The following VKORC1L1 variants were observed in gnomAD, a reference collection of about 807,000 sequenced individuals.
VKORC1L1 encodes vitamin K epoxide reductase complex subunit 1L1.
Under a neutral mutation model 18.9 loss-of-function variants are expected in VKORC1L1, and 2 were observed. The ratio of observed to expected loss-of-function variants is 0.11; its 90% CI spans 0.04 to 0.33. The LOEUF is 0.33. Among genes scored for constraint, VKORC1L1 ranks in the 10% least tolerant of loss-of-function variants. VKORC1L1 has a pLI of 1.00. For missense variants in VKORC1L1, 123 were observed against 224.1 expected (o/e 0.55, Z 2.88); for synonymous variants, 96 against 100.0 (o/e 0.96, Z 0.24).
chr7:65,897,193 A>T (rs187341054), intron 1 of VKORC1L1, among the ~76,000 whole-genome samples: 6 of 152,366 alleles, frequency 3.9e-5, no homozygotes, highest in African/African-American at 1.2e-4. Flanking sequence ...GGGCACATTC[A>T]GAGACAGTTC....
chr7:65,904,928 A>T (rs1342038073), intron 1 of VKORC1L1, among the ~76,000 whole-genome samples: 1 of 152,034 alleles, frequency 6.6e-6, no homozygotes, highest in Admixed American at 6.6e-5. Flanking sequence ...CTTCCTGTGT[A>T]TGTATGTATA....
At chr7:65,873,756 C>G (rs1356406865) in intron 1 of VKORC1L1, among the ~76,000 whole-genome samples, 191 bp downstream of exon 1, 1 of 150,772 alleles carries the variant, frequency 6.6e-6, no homozygotes, top group Admixed American at 6.6e-5. Context: ...CGGCCTGAGC[C>G]CAGGCCGCGG....
chr7:65,871,532 G>A (rs537719481), upstream of VKORC1L1, among the ~76,000 whole-genome samples: 36 of 152,296 alleles, frequency 2.4e-4, no homozygotes, highest in African/African-American at 7.7e-4. Flanking sequence ...AATAGACTTC[G>A]TAAAAGTGAT....
chr7:65,882,736 CTG>C (rs1788948756), intron 1 of VKORC1L1, among the ~76,000 whole-genome samples: 1 of 152,158 alleles, frequency 6.6e-6, no homozygotes, highest in Non-Finnish European at 1.5e-5. Flanking sequence ...ACTATTAGAA[CTG>C]TTGCATTATG....
At chr7:65,900,042 CGT>C (rs58269522) in intron 1 of VKORC1L1, among the ~76,000 whole-genome samples, 7,695 of 140,634 alleles carry the variant, frequency 0.055, 247 homozygotes, top group African/African-American at 0.11. Context: ...TGTGCACGCA[CGT>C]GTGTGTGTGT....
rs1204730326 is a variant in VKORC1L1 at position 65,954,963 on chromosome 7, G to A, written c.*663G>A. 6.6e-6 allele frequency: 1 copy of A among 151,976 alleles called. No homozygotes were observed. The highest frequency in any genetic ancestry group is 1.5e-5 in the Non-Finnish European group (1 of 68,056). 9.4% of individuals were successfully genotyped at this position (151,976 alleles called of 1,614,324 possible). A position where few individuals can be genotyped will look rare whatever the true frequency, so the allele number is the denominator to read the frequency against. On this transcript the variant is annotated 3_prime_UTR_variant, in exon 3 of 3. Coordinates refer to ENST00000360768, the MANE Select transcript of VKORC1L1 (RefSeq NM_173517.6). Reference sequence around the variant, plus strand: ...GCAGCCGTGGTTGCAGCAAATAATAGGGCAAAAAAAATAATAATAGGGTGG... The same window carrying A: ...GCAGCCGTGGTTGCAGCAAATAATAAGGCAAAAAAAATAATAATAGGGTGG...
intron 1 of VKORC1L1, among the ~76,000 whole-genome samples, chr7:65,896,753 C>T (rs1188137807): frequency 6.6e-6 from 1 of 152,168 alleles, no homozygotes; most frequent in Non-Finnish European, 1.5e-5. Flanking sequence ...ATAATCCCAG[C>T]ACTTTGAGAG....
intron 1 of VKORC1L1, among the ~76,000 whole-genome samples, chr7:65,944,578 T>C (rs1373909700): frequency 6.6e-6 from 1 of 152,078 alleles, no homozygotes; most frequent in Non-Finnish European, 1.5e-5. Flanking sequence ...GTGCTCACTT[T>C]GTGTATATGC....
At chr7:65,880,909 C>T (rs1295112759) in intron 1 of VKORC1L1, among the ~76,000 whole-genome samples, 1 of 152,168 alleles carries the variant, frequency 6.6e-6, no homozygotes, top group Non-Finnish European at 1.5e-5. Flanking sequence ...AGTTATTGTA[C>T]AGGTTGAGGA....
intron 1 of VKORC1L1, among the ~76,000 whole-genome samples, chr7:65,906,714 C>T (rs1034583567): frequency 5.9e-5 from 9 of 152,110 alleles, no homozygotes; most frequent in Admixed American, 1.3e-4. Context: ...AAGCAGAGTC[C>T]GTGCAACAGA....
At chr7:65,951,392 G>A (rs1790210450) in intron 2 of VKORC1L1, among the ~76,000 whole-genome samples, 1 of 152,072 alleles carries the variant, frequency 6.6e-6, no homozygotes, top group African/African-American at 2.4e-5. Flanking sequence ...TGGCCAACAT[G>A]GTGAAACCCC....
chr7:65,913,137 G>A (rs67728539), intron 1 of VKORC1L1, among the ~76,000 whole-genome samples: 19,291 of 152,188 alleles, frequency 0.13, 1,383 homozygotes, highest in Middle Eastern at 0.21. Flanking sequence ...TCTGAAATGT[G>A]TATGTCAGAG....
At chr7:65,898,144 A>G (rs555556632) in intron 1 of VKORC1L1, among the ~76,000 whole-genome samples, 24 of 124,606 alleles carry the variant, frequency 1.9e-4, no homozygotes, top group African/African-American at 7.4e-4. Context: ...GCTGGAGTAT[A>G]GTGGCACGAT....
At chr7:65,922,171 A>G (rs538387326) in intron 1 of VKORC1L1, among the ~76,000 whole-genome samples, 1 of 134,454 alleles carries the variant, frequency 7.4e-6, no homozygotes, top group Admixed American at 7.7e-5. Context: ...TGACTCCACA[A>G]GACATTTTGT....
intron 1 of VKORC1L1, among the ~76,000 whole-genome samples, chr7:65,945,125 G>A (rs1790097591): frequency 6.6e-6 from 1 of 151,884 alleles, no homozygotes; most frequent in South Asian, 2.1e-4. Flanking sequence ...GCTGGGCGTG[G>A]TGGCGGGTGC....
upstream of VKORC1L1, among the ~76,000 whole-genome samples, chr7:65,871,534 A>G (rs1788726113): frequency 6.6e-6 from 1 of 152,190 alleles, no homozygotes; most frequent in Non-Finnish European, 1.5e-5. Flanking sequence ...TAGACTTCGT[A>G]AAAGTGATGG....
intron 1 of VKORC1L1, among the ~76,000 whole-genome samples, chr7:65,901,668 G>A (rs1230967883): frequency 1.3e-5 from 2 of 152,128 alleles, no homozygotes; most frequent in Non-Finnish European, 2.9e-5. Context: ...CAAGATGGGG[G>A]TTGGCGGGGA....
chr7:65,954,058 G>T lies in VKORC1L1; in HGVS notation c.305-16G>T. 1 of 1,580,418 alleles carries T rather than the reference G, an allele frequency of 6.3e-7. No homozygotes were observed. Among genetic ancestry groups the T allele is most frequent in the Non-Finnish European group, 8.6e-7 (1 of 1,157,514 alleles). Reference sequence around the variant, plus strand: ...AGCACCAAGGCCTGACTGAGCCTGCGTCTCTTCTCTTACAGGCATGACAGC... The same window carrying T: ...AGCACCAAGGCCTGACTGAGCCTGCTTCTCTTCTCTTACAGGCATGACAGC... On this transcript the variant is annotated splice_polypyrimidine_tract_variant and intron_variant, in intron 2 of 2. Transcript: ENST00000360768.
chr7:65,950,378 A>C (rs565232658), intron 2 of VKORC1L1, among the ~76,000 whole-genome samples: 1 of 152,104 alleles, frequency 6.6e-6, no homozygotes, highest in East Asian at 1.9e-4. Context: ...TTTTTTGTAG[A>C]TCTTGTTGCA....
Sources: gnomAD v4.1 joint callset for allele counts (sites outside exome capture counted in the v4.1 genomes callset) on GRCh38, gnomAD v4.1.1 for gene constraint, MANE v1.5 for transcripts, NCBI Gene and HGNC (gene_info 2026-07-23, HGNC 2026-07-21) for gene names.